The following NXPE3 variants were observed in gnomAD, a reference collection of about 807,000 sequenced individuals.
NXPE3 encodes NXPE family member 3.
A neutral mutation model predicts 46.1 loss-of-function variants in NXPE3; 26 were observed. That is an observed-to-expected ratio of 0.56 (90% CI 0.41 to 0.78). The LOEUF is 0.78. Ranked by LOEUF, NXPE3 falls within the 30% of genes least tolerant of loss-of-function variation. The pLI is 0.00. For missense variants in NXPE3, 620 were observed against 686.0 expected (o/e 0.90, Z 1.07); for synonymous variants, 272 against 257.9 (o/e 1.05, Z -0.52).
At chr3:101,817,500 G>GGTGTGACCTATCATT (rs1942024455) in intron 7 of NXPE3, among the ~76,000 whole-genome samples, 3 of 152,170 alleles carry the variant, frequency 2.0e-5, no homozygotes, top group Non-Finnish European at 4.4e-5. Context: ...GTCATCCATT[G>GGTGTGACCTATCATT]GGCCTACCAT....
chr3:101,793,552 T>G (rs1940636364), intron 4 of NXPE3, among the ~76,000 whole-genome samples: 2 of 151,462 alleles, frequency 1.3e-5, no homozygotes, highest in Non-Finnish European at 2.9e-5. Flanking sequence ...TGTTTGTTTT[T>G]TATTTGTCCC....
chr3:101,799,185 C>T (rs1160326455), intron 4 of NXPE3, among the ~76,000 whole-genome samples: 1 of 152,072 alleles, frequency 6.6e-6, no homozygotes, highest in East Asian at 1.9e-4. Context: ...AGCAGTTCTT[C>T]TGCTTCAGCC....
At position 101,785,827 on chromosome 3, in the gene NXPE3, C is replaced by A. The variant is rs16844200; in HGVS notation, c.93+138C>A. 8.4e-4 allele frequency: 595 copies of A among 705,728 alleles called. 13 individuals carry two copies. In the East Asian group the frequency reaches 0.013, roughly 16 times the overall value. The allele number at this position is 705,728 out of a possible 1,614,324, so 43.7% of individuals were successfully genotyped here. On this transcript the variant is annotated intron_variant, in intron 4 of 7. Coordinates refer to ENST00000273347, the MANE Select transcript of NXPE3 (RefSeq NM_145037.4). ...TTTTCATTTATTCGGTAAGTATTTG[C>A]GTGCTCACAATGGTTATATACGCTG... is the stretch of plus-strand genomic sequence containing the variant.
intron 6 of NXPE3, among the ~76,000 whole-genome samples, chr3:101,810,207 A>G (rs1007173260): frequency 3.3e-5 from 5 of 152,164 alleles, no homozygotes; most frequent in African/African-American, 1.2e-4. Flanking sequence ...TTTCATTAGT[A>G]CCTGTAATGT....
rs1942292435 is a variant in NXPE3, at chr3:101,822,258, T to C, written c.*304T>C. Reference sequence around the variant, plus strand: ...TTGAATTAGCTTCTCCTAGGAGGGGTGACTACTTTGCTAAAGAGTATGAAA... The same window carrying C: ...TTGAATTAGCTTCTCCTAGGAGGGGCGACTACTTTGCTAAAGAGTATGAAA... On this transcript the variant is annotated 3_prime_UTR_variant, in exon 8 of 8. Coordinates refer to ENST00000273347, the MANE Select transcript of NXPE3 (RefSeq NM_145037.4). The C allele has an allele frequency of 6.8e-6, 2 of 293,328 alleles. No individual in the cohort carries two copies. Among genetic ancestry groups the C allele is most frequent in the Admixed American group, 9.1e-5 (2 of 22,030 alleles). The allele number at this position is 293,328 out of a possible 1,614,324, so 18.2% of individuals were successfully genotyped here.
chr3:101,780,728 G>A (rs1406446558), intron 1 of NXPE3, among the ~76,000 whole-genome samples: 1 of 152,188 alleles, frequency 6.6e-6, no homozygotes, highest in Non-Finnish European at 1.5e-5. Flanking sequence ...TTAAAAAATA[G>A]CACTTAGTAC....
In NXPE3 at chr3:101,798,857, C is replaced by T. The variant is rs371365660; in HGVS notation, c.94-2378C>T. ...TCGAACTCTTGAGCTCAAACGATCC[C>T]GATCTGTCCACCTCTGCCTCCCAAA... is the stretch of plus-strand genomic sequence containing the variant. On this transcript the variant is annotated intron_variant, in intron 4 of 7. Coordinates refer to ENST00000273347, the MANE Select transcript of NXPE3 (RefSeq NM_145037.4). 4.6e-5 allele frequency among the ~76,000 whole-genome samples: 7 copies of T among 152,148 alleles called. No homozygotes were observed. The East Asian group carries it at 7.7e-4, about 17-fold the overall frequency.
chr3:101,808,058 C>T (rs1383329689), intron 6 of NXPE3, among the ~76,000 whole-genome samples: 2 of 152,298 alleles, frequency 1.3e-5, no homozygotes, highest in East Asian at 3.9e-4. Context: ...CATTACCAGG[C>T]AACCTGATAG....
At chr3:101,817,968 G>A (rs1012559103) in intron 7 of NXPE3, among the ~76,000 whole-genome samples, 2 of 152,056 alleles carry the variant, frequency 1.3e-5, no homozygotes, top group Admixed American at 1.3e-4. Flanking sequence ...ATGGCTCACT[G>A]CAGCCTCAAC....
At chr3:101,804,696 A>C (rs1347850653) in intron 5 of NXPE3, among the ~76,000 whole-genome samples, 1 of 152,168 alleles carries the variant, frequency 6.6e-6, no homozygotes, top group Non-Finnish European at 1.5e-5. Context: ...TCATAACCTT[A>C]CTTAAACCAG....
chr3:101,785,647 G>A lies in NXPE3; in HGVS notation c.51G>A (p.Val17=), dbSNP rs1940124495. Residue 17 remains valine, a synonymous_variant, in exon 4 of 8, where the codon GTG becomes GTA. Transcript: ENST00000273347. ...KLRLFCCLLA[V]LMVVVLVINV... is the part of the protein sequence containing the mutation. ...GGCTTTTCTGCTGTCTGCTTGCAGT[G>A]TTGATGGTGGTGGTGCTGGTCATCA... is the stretch of plus-strand genomic sequence containing the variant. 6.2e-7 allele frequency: 1 copy of A among 1,613,916 alleles called. No individual in the cohort carries two copies. The highest frequency in any genetic ancestry group is 1.7e-5 in the Admixed American group (1 of 59,982).
intron 4 of NXPE3, among the ~76,000 whole-genome samples, chr3:101,790,714 T>C (rs1226940156): frequency 6.6e-6 from 1 of 152,148 alleles, no homozygotes; most frequent in East Asian, 1.9e-4. Context: ...CCTCTCAGCC[T>C]TCTGAGTAGC....
At chr3:101,808,854 T>TACACACATATATATATAC (rs1553803067) in intron 6 of NXPE3, among the ~76,000 whole-genome samples, 4 of 100,348 alleles carry the variant, frequency 4.0e-5, no homozygotes, top group African/African-American at 1.4e-4. Flanking sequence ...TATATATATA[T>TACACACATATATATATAC]ATGAGACATT....
At chr3:101,802,209 C>T (rs1219018158) in intron 5 of NXPE3, among the ~76,000 whole-genome samples, 1 of 151,892 alleles carries the variant, frequency 6.6e-6, no homozygotes, top group East Asian at 1.9e-4. Flanking sequence ...AATTAAAGAC[C>T]TTTTACCCTT....
chr3:101,821,037 C>T (rs1481300364), intron 7 of NXPE3, among the ~76,000 whole-genome samples: 2 of 152,048 alleles, frequency 1.3e-5, no homozygotes, highest in Admixed American at 6.5e-5. Flanking sequence ...ACTTTTTAGA[C>T]ATAGATAAAA....
chr3:101,799,999 T>TA (rs1030188065), intron 4 of NXPE3, among the ~76,000 whole-genome samples: 1 of 152,198 alleles, frequency 6.6e-6, no homozygotes, highest in Non-Finnish European at 1.5e-5. Context: ...ATCAATCTTT[T>TA]AAAAAACCAG....
At position 101,821,843 on chromosome 3, in the gene NXPE3, C is replaced by T. The variant is rs1276610600; in HGVS notation, c.1569C>T (p.Ala523=). ...GGGTTGGAGTATATCTCGTCGATGC[C>T]TGGGAGATGACCCTGGCCCATTATC... ...FSGVGVYLVD[A]WEMTLAHYLP... Residue 523 remains alanine, a synonymous_variant, in exon 8 of 8, where the codon GCC becomes GCT. Transcript: ENST00000273347. 2 of 1,614,138 alleles carry T rather than the reference C, an allele frequency of 1.2e-6. No homozygotes were observed. The highest frequency in any genetic ancestry group is 3.3e-5 in the Admixed American group (2 of 60,012).
chr3:101,784,666 G>T (rs1338183400), intron 3 of NXPE3, among the ~76,000 whole-genome samples: 1 of 152,190 alleles, frequency 6.6e-6, no homozygotes, highest in Admixed American at 6.5e-5. Flanking sequence ...AAGAGCATTT[G>T]AATTTGTTAC....
intron 6 of NXPE3, among the ~76,000 whole-genome samples, chr3:101,814,819 A>G (rs1941897354): frequency 6.6e-6 from 1 of 152,232 alleles, no homozygotes; most frequent in African/African-American, 2.4e-5. Flanking sequence ...GTTAACATCT[A>G]TAAACATCTG....
Sources: gnomAD v4.1 joint callset for allele counts (sites outside exome capture counted in the v4.1 genomes callset) on GRCh38, gnomAD v4.1.1 for gene constraint, MANE v1.5 for transcripts, NCBI Gene and HGNC (gene_info 2026-07-23, HGNC 2026-07-21) for gene names.